The following UNC13C variants were observed in gnomAD, a reference collection of about 807,000 sequenced individuals.
UNC13C encodes protein unc-13 homolog C.
Under a neutral mutation model 245.4 loss-of-function variants are expected in UNC13C, and 174 were observed. The ratio of observed to expected loss-of-function variants is 0.71; its 90% CI spans 0.63 to 0.80. The LOEUF (loss-of-function observed/expected upper bound fraction) is 0.80. UNC13C is among the 30% of genes least tolerant of loss of function. The pLI is 0.00. For synonymous variants in UNC13C, 992 were observed against 895.1 expected (o/e 1.11, Z -1.93); for missense variants, 2,829 against 2,602.9 (o/e 1.09, Z -1.89).
chr15:54,242,492 A>G (rs2035880302), intron 7 of UNC13C, among the ~76,000 whole-genome samples: 1 of 152,018 alleles, frequency 6.6e-6, no homozygotes, highest in African/African-American at 2.4e-5. Flanking sequence ...TCCTATTATT[A>G]TTTATGTGTA....
chr15:54,284,622 CT>C (rs2037093556), intron 10 of UNC13C, among the ~76,000 whole-genome samples: 1 of 138,908 alleles, frequency 7.2e-6, no homozygotes, highest in Non-Finnish European at 1.6e-5. Flanking sequence ...CATGTGCACA[CT>C]TGTGCACACA....
At chr15:54,213,809 C>T (rs1018582044) in intron 4 of UNC13C, among the ~76,000 whole-genome samples, 3 of 151,962 alleles carry the variant, frequency 2.0e-5, no homozygotes, top group African/African-American at 7.2e-5. Flanking sequence ...TTGGGGAAGA[C>T]ATTTTGCAAC....
intron 4 of UNC13C, among the ~76,000 whole-genome samples, chr15:54,208,957 C>T (rs1042825106): frequency 6.6e-6 from 1 of 152,094 alleles, no homozygotes; most frequent in South Asian, 2.1e-4. Context: ...AAAAGAGAAA[C>T]ATTAACTCCT....
chr15:53,915,311 G>C, the UNC13C span, among the ~76,000 whole-genome samples: 13 of 152,128 alleles, frequency 8.5e-5, no homozygotes, highest in Admixed American at 5.9e-4. Flanking sequence ...CAACACTTTG[G>C]AATAGATTAA....
intron 32 of UNC13C, among the ~76,000 whole-genome samples, chr15:54,624,647 G>A (rs1190058288): frequency 6.6e-6 from 1 of 152,092 alleles, no homozygotes; most frequent in Admixed American, 6.6e-5. Context: ...GACCAAATAT[G>A]TAAAGATCAG....
chr15:54,565,498 T>C (rs1207567511), intron 29 of UNC13C, among the ~76,000 whole-genome samples: 8 of 152,010 alleles, frequency 5.3e-5, no homozygotes, highest in Non-Finnish European at 1.0e-4. Flanking sequence ...CTACTTTATA[T>C]ACACTGTTAA....
At chr15:54,027,914 G>T (rs770131934) in intron 2 of UNC13C, among the ~76,000 whole-genome samples, 1 of 151,980 alleles carries the variant, frequency 6.6e-6, no homozygotes, top group African/African-American at 2.4e-5. Flanking sequence ...GAATAGAAGC[G>T]CCTTCTTCCC....
In UNC13C at chr15:54,489,618, A is replaced by T. The variant is rs1210042048; in HGVS notation, c.4934-4990A>T. Reference sequence around the variant, plus strand: ...GGAAAATCTTGTTGTGATGTAGCAGAGCCCCAAATTCAATCATACAGCAAG... The same window carrying T: ...GGAAAATCTTGTTGTGATGTAGCAGTGCCCCAAATTCAATCATACAGCAAG... On this transcript the variant is annotated intron_variant, in intron 19 of 32. Coordinates refer to ENST00000260323, the MANE Select transcript of UNC13C (RefSeq NM_001080534.3). 2.0e-5 allele frequency among the ~76,000 whole-genome samples: 3 copies of T among 152,330 alleles called. No individual in the cohort carries two copies. The East Asian group carries it at 5.8e-4, about 29-fold the overall frequency.
intron 2 of UNC13C, among the ~76,000 whole-genome samples, chr15:54,060,730 A>T (rs547152584): frequency 6.6e-6 from 1 of 152,184 alleles, no homozygotes; most frequent in African/African-American, 2.4e-5. Context: ...AATGTCCAAC[A>T]GTGATAGACT....
the UNC13C span, among the ~76,000 whole-genome samples, chr15:53,881,315 G>A: frequency 2.5e-4 from 38 of 152,190 alleles, no homozygotes; most frequent in Non-Finnish European, 5.1e-4. Flanking sequence ...GCTGGAAATT[G>A]TGTCCAAGCA....
At chr15:53,895,434 G>C in the UNC13C span, among the ~76,000 whole-genome samples, 8 of 151,530 alleles carry the variant, frequency 5.3e-5, no homozygotes, top group South Asian at 1.5e-3. Context: ...AGTAATTTAG[G>C]CATGGTCTAC....
At chr15:54,448,110 C>T (rs1567280832) in intron 19 of UNC13C, among the ~76,000 whole-genome samples, 1 of 152,146 alleles carries the variant, frequency 6.6e-6, no homozygotes, top group Non-Finnish European at 1.5e-5. Context: ...ATCCTGAGTT[C>T]TAGTTTGATT....
At chr15:54,253,182 A>G (rs960104778) in intron 8 of UNC13C, among the ~76,000 whole-genome samples, 1 of 152,176 alleles carries the variant, frequency 6.6e-6, no homozygotes, top group African/African-American at 2.4e-5. Context: ...AGTTACTTCA[A>G]ATTGATTTAA....
chr15:54,510,340 A>G (rs1566878796), intron 23 of UNC13C, among the ~76,000 whole-genome samples: 3 of 152,102 alleles, frequency 2.0e-5, no homozygotes. Context: ...AAGATAGGCT[A>G]TTGGCTTAGT....
In UNC13C at chr15:54,420,008, T is replaced by A. The variant is rs151035716; in HGVS notation, c.4933+4941T>A. On this transcript the variant is annotated intron_variant, in intron 19 of 32. Transcript: ENST00000260323. ...AACATACCCCCTTTCTAGTTAATTG[T>A]TTTAGTAGCTAATTATTTTTGGTGT... Among the ~76,000 whole-genome samples, 211 of 152,184 alleles carry A rather than the reference T, an allele frequency of 1.4e-3. 1 individual carries two copies. Among genetic ancestry groups the A allele is most frequent in the African/African-American group, 4.9e-3 (203 of 41,534 alleles).
intron 4 of UNC13C, among the ~76,000 whole-genome samples, chr15:54,219,923 A>G (rs966206975): frequency 3.5e-4 from 53 of 151,492 alleles, no homozygotes; most frequent in African/African-American, 1.1e-3. Context: ...TTAGAATGGC[A>G]ATCATTAAAA....
chr15:54,617,408 G>A (rs1900512398), intron 30 of UNC13C, among the ~76,000 whole-genome samples: 1 of 151,948 alleles, frequency 6.6e-6, no homozygotes, highest in Non-Finnish European at 1.5e-5. Context: ...ATGAGCATCA[G>A]AGCACAGTAT....
At chr15:53,975,739 G>T (rs1210804756), upstream of UNC13C, among the ~76,000 whole-genome samples, 2 of 152,174 alleles carry the variant, frequency 1.3e-5, no homozygotes, top group African/African-American at 4.8e-5. Context: ...TGAGACAAAT[G>T]ATCTGGCTCA....
At chr15:54,436,210 A>G (rs953451680) in intron 19 of UNC13C, among the ~76,000 whole-genome samples, 1 of 151,928 alleles carries the variant, frequency 6.6e-6, no homozygotes, top group African/African-American at 2.4e-5. Context: ...GAAACTGGTA[A>G]TTGTTTCATG....
Sources: allele counts gnomAD v4.1 joint callset (sites outside exome capture counted in the v4.1 genomes callset), GRCh38; gene constraint gnomAD v4.1.1; transcripts MANE v1.5; gene names NCBI Gene and HGNC (gene_info 2026-07-23, HGNC 2026-07-21).